LARGE1: variants seen among roughly 807,000 people sequenced by gnomAD.
LARGE1 encodes the protein xylosyl- and glucuronyltransferase LARGE1.
LARGE1 carries 43 observed loss-of-function variants against 87.6 expected under a neutral mutation model. That is an observed-to-expected ratio of 0.49 (90% confidence interval 0.38 to 0.63). The LOEUF is 0.63. Ranked by LOEUF, LARGE1 falls within the 30% of genes least tolerant of loss-of-function variation. LARGE1 has a pLI of 0.00. For missense variants in LARGE1, 802 were observed against 1,000.2 expected (o/e 0.80, Z 2.67); for synonymous variants, 434 against 394.6 (o/e 1.10, Z -1.18).
chr22:33,617,148 G>T (rs1398796721), intron 4 of LARGE1, among the ~76,000 whole-genome samples: 1 of 152,214 alleles, frequency 6.6e-6, no homozygotes, highest in Non-Finnish European at 1.5e-5. Context: ...CCTCTGACCG[G>T]GAGGTAAGTC....
At chr22:33,384,169 C>T (rs1176956852) in intron 8 of LARGE1, 23 bp downstream of exon 8, 4 of 1,519,806 alleles carry the variant, frequency 2.6e-6, no homozygotes, top group South Asian at 2.2e-5. Context: ...GGAATAGCTG[C>T]ACCTTCGAAC....
At chr22:33,838,122 T>C (rs924383396) in intron 1 of LARGE1, among the ~76,000 whole-genome samples, 9 of 152,224 alleles carry the variant, frequency 5.9e-5, no homozygotes, top group Non-Finnish European at 1.2e-4. Flanking sequence ...TTTGATTTTT[T>C]TGGACACTTT....
intron 4 of LARGE1, 86 bp from the exon 5 acceptor site, chr22:33,604,644 T>C (rs1049688103): frequency 2.0e-5 from 31 of 1,535,170 alleles, no homozygotes; most frequent in Non-Finnish European, 2.6e-5. Flanking sequence ...TCACAGTTCC[T>C]ACGGTGGGGC....
chr22:33,889,951 G>A (rs1001645111), intron 1 of LARGE1, among the ~76,000 whole-genome samples: 4 of 152,204 alleles, frequency 2.6e-5, no homozygotes, highest in South Asian at 4.1e-4. Flanking sequence ...ACAGGCAAAT[G>A]CAAACCACCA....
At chr22:33,189,872 C>T (rs1427647871) in intron 11 of LARGE1, among the ~76,000 whole-genome samples, 2 of 152,058 alleles carry the variant, frequency 1.3e-5, no homozygotes, top group African/African-American at 2.4e-5. Flanking sequence ...GTAACAGTAT[C>T]GCAGGGAGAG....
intron 5 of LARGE1, 47 bp from the exon 6 acceptor site, chr22:33,565,066 T>C (rs767620015): frequency 2.6e-6 from 4 of 1,547,162 alleles, no homozygotes; most frequent in Admixed American, 3.3e-5. Flanking sequence ...GGAAAAAAAA[T>C]TGCTATATTA....
In LARGE1 at chr22:33,873,325, C is replaced by T. The variant is rs982495224; in HGVS notation, c.-83+46670G>A. On this transcript the variant is annotated intron_variant, in intron 1 of 14. Transcript: ENST00000397394. ...CTCCCCTGGCACGAGCAGCGCACGA[C>T]AAAGGCACGCCTCGATTAGCTGGAG... is the stretch of plus-strand genomic sequence containing the variant. 3.3e-5 allele frequency: 5 copies of T among 152,452 alleles called. 1 individual carries two copies. Among genetic ancestry groups the T allele is most frequent in the African/African-American group, 9.6e-5 (4 of 41,564 alleles). 9.4% of individuals were successfully genotyped at this position (152,452 alleles called of 1,614,324 possible). A position where few individuals can be genotyped will look rare whatever the true frequency, so the allele number is the denominator to read the frequency against.
rs1390721324 is a variant in LARGE1, at chr22:33,749,201, G to A, written c.106+12170C>T. Among the ~76,000 whole-genome samples, 9 of 152,076 alleles carry A rather than the reference G, an allele frequency of 5.9e-5. No homozygotes were observed. The South Asian group carries it at 1.0e-3, about 18-fold the overall frequency. ...ACAATCTCGGCTCACCGCAACCTCC[G>A]CCTCCTGGGTTCAAGCGATTCTCCT... On this transcript the variant is annotated intron_variant, in intron 2 of 14. Transcript: ENST00000397394.
Position 33,316,205 on chromosome 22 carries a change from T to G in LARGE1, c.1331A>C (p.Tyr444Ser). The change falls in exon 11 of 15, where the codon TAT becomes TCT. Residue 444 changes from tyrosine to serine, a missense_variant. Tyr to Ser is a moderately radical substitution (Grantham distance 144). Transcript: ENST00000397394. ...AGTGAAGCGCTCTCGCCGGAACTCA[T>G]AGCACAGGTCGTCCTCGTCCAGCTC... Reference protein sequence around the residue: ...LSELDEDDLCYEFRRERFTVH... With the variant: ...LSELDEDDLCSEFRRERFTVH... The G allele has an allele frequency of 6.2e-7, 1 of 1,614,000 alleles. No individual in the cohort carries two copies. The highest frequency in any genetic ancestry group is 8.5e-7 in the Non-Finnish European group (1 of 1,179,988).
intron 1 of LARGE1, among the ~76,000 whole-genome samples, chr22:33,848,917 T>C (rs2063507264): frequency 6.6e-6 from 1 of 151,962 alleles, no homozygotes; most frequent in Admixed American, 6.6e-5. Flanking sequence ...AATTGCACAA[T>C]AAAGGCAAAT....
intron 2 of LARGE1, among the ~76,000 whole-genome samples, chr22:33,686,937 C>A (rs971429587): frequency 1.7e-4 from 26 of 152,226 alleles, no homozygotes; most frequent in Non-Finnish European, 1.5e-5. Context: ...TCCCACTGCA[C>A]TTGGAACAAA....
At chr22:33,277,469 A>G (rs933383948) in intron 13 of LARGE1, among the ~76,000 whole-genome samples, 2 of 152,228 alleles carry the variant, frequency 1.3e-5, no homozygotes, top group African/African-American at 4.8e-5. Context: ...TGAGGTTATC[A>G]TGAGATCACA....
chr22:33,465,964 C>T (rs9621704), intron 6 of LARGE1, among the ~76,000 whole-genome samples: 5,012 of 152,256 alleles, frequency 0.033, 212 homozygotes, highest in African/African-American at 0.096. Flanking sequence ...TCTTCCATGA[C>T]GTCTTCTCCC....
chr22:33,424,991 C>T (rs2066826474), intron 7 of LARGE1, among the ~76,000 whole-genome samples: 1 of 151,992 alleles, frequency 6.6e-6, no homozygotes, highest in Admixed American at 6.6e-5. Flanking sequence ...AGGCTGGGCG[C>T]GGCAGCTCAC....
intron 1 of LARGE1, among the ~76,000 whole-genome samples, chr22:33,849,944 T>C (rs1262055875): frequency 1.3e-5 from 2 of 152,196 alleles, no homozygotes; most frequent in African/African-American, 4.8e-5. Context: ...GTACAGTTGT[T>C]ATCCCAATTT....
At chr22:33,870,860 G>A (rs993701222) in intron 1 of LARGE1, among the ~76,000 whole-genome samples, 1 of 152,168 alleles carries the variant, frequency 6.6e-6, no homozygotes, top group African/African-American at 2.4e-5. Flanking sequence ...GAGCCACCGT[G>A]CCCGGCCTGT....
chr22:33,351,370 C>T lies in LARGE1; in HGVS notation c.1132-13569G>A, dbSNP rs73166252. 7.5e-3 allele frequency among the ~76,000 whole-genome samples: 1,142 copies of T among 152,292 alleles called. 8 individuals are homozygous for T. Among genetic ancestry groups the T allele is most frequent in the Non-Finnish European group, 0.012 (837 of 68,014 alleles). On this transcript the variant is annotated intron_variant, in intron 9 of 14. Transcript: ENST00000397394. ...TGGCGCTCTCAAATATTGAGGTGTT[C>T]TGGGGTTTAAATGAATCTGGCAAAG... is the stretch of plus-strand genomic sequence containing the variant.
intron 5 of LARGE1, among the ~76,000 whole-genome samples, chr22:33,593,239 C>T (rs2078893268): frequency 6.6e-6 from 1 of 151,338 alleles, no homozygotes; most frequent in South Asian, 2.1e-4. Context: ...GACGGGGTTT[C>T]GCCATGTTGC....
the LARGE1 span, among the ~76,000 whole-genome samples, chr22:33,155,216 C>T: frequency 6.6e-6 from 1 of 152,112 alleles, no homozygotes; most frequent in African/African-American, 2.4e-5. Context: ...GACTTTGGAA[C>T]ATTTTTACAG....
Sources: allele counts gnomAD v4.1 joint callset (sites outside exome capture counted in the v4.1 genomes callset), GRCh38; gene constraint gnomAD v4.1.1; transcripts MANE v1.5; gene names NCBI Gene and HGNC (gene_info 2026-07-23, HGNC 2026-07-21).